The following SEMA6D variants were observed in gnomAD, a reference collection of about 807,000 sequenced individuals.
SEMA6D encodes semaphorin 6D.
A neutral mutation model predicts 106.6 loss-of-function variants in SEMA6D; 35 were observed. The ratio of observed to expected loss-of-function variants is 0.33; its 90% CI spans 0.25 to 0.44. The LOEUF is 0.44. Ranked by LOEUF, SEMA6D falls within the 20% of genes least tolerant of loss-of-function variation. SEMA6D has a pLI of 1.00. For missense variants in SEMA6D, 1,185 were observed against 1,345.9 expected, an observed-to-expected ratio of 0.88 and a Z score of 1.87; for synonymous variants, 499 against 487.7, an observed-to-expected ratio of 1.02 and a Z score of -0.31.
chr15:47,316,175 C>T (rs979808195), intron 1 of SEMA6D, among the ~76,000 whole-genome samples: 1 of 138,936 alleles, frequency 7.2e-6, no homozygotes, highest in Non-Finnish European at 1.5e-5. Context: ...TCACTGCAAC[C>T]TCCACCTCCT....
At chr15:47,449,078 A>G (rs1251264464) in intron 2 of SEMA6D, among the ~76,000 whole-genome samples, 1 of 152,096 alleles carries the variant, frequency 6.6e-6, no homozygotes, top group African/African-American at 2.4e-5. Flanking sequence ...TTGATGAAGC[A>G]AGAAATGTCC....
At chr15:47,441,744 T>A (rs753137289) in intron 2 of SEMA6D, among the ~76,000 whole-genome samples, 1 of 152,096 alleles carries the variant, frequency 6.6e-6, no homozygotes, top group Admixed American at 6.6e-5. Context: ...TAATATTGTA[T>A]GAATATCTGT....
intron 1 of SEMA6D, among the ~76,000 whole-genome samples, chr15:47,246,324 A>G (rs1458135614): frequency 6.6e-6 from 1 of 152,136 alleles, no homozygotes; most frequent in Admixed American, 6.6e-5. Context: ...AGCTGGGTGC[A>G]TGAAGGAGGA....
At chr15:47,521,131 G>A (rs901568572) in intron 3 of SEMA6D, among the ~76,000 whole-genome samples, 5 of 152,188 alleles carry the variant, frequency 3.3e-5, no homozygotes, top group African/African-American at 1.2e-4. Flanking sequence ...ATCTTGAGGA[G>A]ACGTGGGTCA....
At chr15:47,767,329 C>G in intron 17 of SEMA6D, 1 of 358,190 alleles carries the variant, frequency 2.8e-6, no homozygotes, top group Non-Finnish European at 5.0e-6. Context: ...TTCAAATGGG[C>G]TAACATAGAC....
intron 1 of SEMA6D, among the ~76,000 whole-genome samples, chr15:47,756,660 G>T (rs1438523980): frequency 6.6e-6 from 1 of 152,020 alleles, no homozygotes; most frequent in Non-Finnish European, 1.5e-5. Context: ...CCTGCTACTT[G>T]GCCTGCCCTT....
chr15:47,281,869 T>G (rs1289109932), intron 1 of SEMA6D, among the ~76,000 whole-genome samples: 2 of 152,146 alleles, frequency 1.3e-5, no homozygotes, highest in African/African-American at 4.8e-5. Context: ...CCACGATACA[T>G]CTAAATATAG....
intron 1 of SEMA6D, among the ~76,000 whole-genome samples, chr15:47,233,320 G>C (rs1343283486): frequency 6.6e-6 from 1 of 151,908 alleles, no homozygotes; most frequent in African/African-American, 2.4e-5. Context: ...CTATATCACA[G>C]TATTTTGATC....
chr15:47,752,931 C>A (rs2081524074), intron 1 of SEMA6D, among the ~76,000 whole-genome samples: 1 of 151,984 alleles, frequency 6.6e-6, no homozygotes, highest in Non-Finnish European at 1.5e-5. Flanking sequence ...ATTGCTTGAA[C>A]CTGGGAGGTG....
intron 1 of SEMA6D, among the ~76,000 whole-genome samples, chr15:47,226,252 T>C (rs1432026397): frequency 6.6e-6 from 1 of 152,058 alleles, no homozygotes; most frequent in Non-Finnish European, 1.5e-5. Context: ...TTCACAGACC[T>C]GAGAAGGAAC....
chr15:47,724,580 G>A (rs1301834378), intron 1 of SEMA6D, among the ~76,000 whole-genome samples: 1 of 152,068 alleles, frequency 6.6e-6, no homozygotes, highest in Non-Finnish European at 1.5e-5. Flanking sequence ...GGGGTGGTGG[G>A]GGAGGTGTTG....
chr15:47,445,539 T>G (rs1166972884), intron 2 of SEMA6D, among the ~76,000 whole-genome samples: 3 of 152,032 alleles, frequency 2.0e-5, no homozygotes, highest in Non-Finnish European at 4.4e-5. Flanking sequence ...CACTGATAAT[T>G]ATGGTGTATA....
chr15:47,194,697 TTTTC>T (rs1894212795), intron 1 of SEMA6D, among the ~76,000 whole-genome samples: 1 of 152,032 alleles, frequency 6.6e-6, no homozygotes, highest in Admixed American at 6.5e-5. Context: ...AACAAAACTG[TTTTC>T]TTTCTTTGAC....
intron 1 of SEMA6D, among the ~76,000 whole-genome samples, chr15:47,238,653 C>T (rs180771917): frequency 3.6e-4 from 54 of 151,882 alleles, no homozygotes; most frequent in African/African-American, 1.3e-3. Context: ...AGTTAAAGGA[C>T]GTTTAGACAA....
chr15:47,451,524 G>A (rs1018820954), intron 2 of SEMA6D, among the ~76,000 whole-genome samples: 5 of 152,002 alleles, frequency 3.3e-5, no homozygotes, highest in Non-Finnish European at 7.4e-5. Context: ...GTGACTGGAT[G>A]AGGAGTGAGA....
At chr15:47,369,869 A>T (rs1038262176) in intron 1 of SEMA6D, among the ~76,000 whole-genome samples, 1 of 152,244 alleles carries the variant, frequency 6.6e-6, no homozygotes, top group Non-Finnish European at 1.5e-5. Flanking sequence ...GCTTGTACTA[A>T]TTGAATGCTT....
intron 1 of SEMA6D, among the ~76,000 whole-genome samples, chr15:47,737,748 T>A (rs2080532430): frequency 6.6e-6 from 1 of 152,228 alleles, no homozygotes; most frequent in African/African-American, 2.4e-5. Context: ...TTTTCCTTCC[T>A]ACTTTAGACT....
intron 3 of SEMA6D, among the ~76,000 whole-genome samples, chr15:47,543,708 AG>A (rs1233855739): frequency 6.6e-6 from 1 of 152,072 alleles, no homozygotes; most frequent in Non-Finnish European, 1.5e-5. Flanking sequence ...GGTTTGAACT[AG>A]GTGATCTGCA....
At chr15:47,496,655 A>T (rs1177674217) in intron 3 of SEMA6D, among the ~76,000 whole-genome samples, 1 of 152,028 alleles carries the variant, frequency 6.6e-6, no homozygotes, top group Admixed American at 6.6e-5. Flanking sequence ...GAAAATCTCA[A>T]CATTTTCTCC....
Sources: gnomAD v4.1 joint callset for allele counts (sites outside exome capture counted in the v4.1 genomes callset) on GRCh38, gnomAD v4.1.1 for gene constraint, MANE v1.5 for transcripts, NCBI Gene and HGNC (gene_info 2026-07-23, HGNC 2026-07-21) for gene names.